RBM46: variants seen among roughly 807,000 people sequenced by gnomAD.
RBM46 encodes the protein probable RNA-binding protein 46.
RBM46 carries 12 observed loss-of-function variants against 43.3 expected under a neutral mutation model. The ratio of observed to expected loss-of-function variants is 0.28; its 90% CI spans 0.18 to 0.45. The LOEUF is 0.45. Ranked by LOEUF, RBM46 falls within the 20% of genes least tolerant of loss-of-function variation. RBM46 has a pLI of 1.00. For synonymous variants in RBM46, 205 were observed against 207.6 expected, an observed-to-expected ratio of 0.99 and a Z score of 0.11; for missense variants, 412 against 639.1, an observed-to-expected ratio of 0.64 and a Z score of 3.83.
chr4:154,802,558 A>G (rs1246315842), intron 4 of RBM46, among the ~76,000 whole-genome samples: 2 of 152,200 alleles, frequency 1.3e-5, no homozygotes, highest in Non-Finnish European at 2.9e-5. Context: ...GTTGAGATCA[A>G]TTGGTGGTAG....
chr4:154,794,682 G>C (rs888160536), intron 1 of RBM46, among the ~76,000 whole-genome samples: 2 of 152,106 alleles, frequency 1.3e-5, no homozygotes, highest in Non-Finnish European at 2.9e-5. Context: ...CTTTGTCTTG[G>C]TTTCTCCATT....
rs769254264 is a variant in RBM46 at position 154,798,770 on chromosome 4, T to A, written c.620-12T>A. ...TTTTAATTCTCTTCAAATTATTATT[T>A]TTTTTTTACAGGAACATTCCAACTA... is the stretch of plus-strand genomic sequence containing the variant. On this transcript the variant is annotated splice_polypyrimidine_tract_variant and intron_variant, in intron 3 of 4. Transcript: ENST00000281722. 9.8e-6 allele frequency: 14 copies of A among 1,432,124 alleles called. No individual in the cohort carries two copies. Among genetic ancestry groups the A allele is most frequent in the Admixed American group, 6.2e-5 (2 of 32,064 alleles). 88.7% of individuals were successfully genotyped at this position (1,432,124 alleles called of 1,614,324 possible).
chr4:154,817,426 G>A (rs1221952458), intron 4 of RBM46, among the ~76,000 whole-genome samples: 1 of 150,602 alleles, frequency 6.6e-6, no homozygotes, highest in African/African-American at 2.4e-5. Context: ...TCCGCCTCCT[G>A]GGTTCAAGCA....
At chr4:154,815,707 T>A (rs1424070777) in intron 4 of RBM46, among the ~76,000 whole-genome samples, 2 of 152,168 alleles carry the variant, frequency 1.3e-5, no homozygotes, top group East Asian at 1.9e-4. Context: ...AATATATTTT[T>A]AAAATATCTT....
At chr4:154,820,247 TTTTA>T (rs1444478546) in intron 4 of RBM46, 11 of 526,154 alleles carry the variant, frequency 2.1e-5, no homozygotes, top group African/African-American at 1.8e-4. Context: ...AAATTTGTTT[TTTTA>T]TTTACTGATC....
chr4:154,790,906 A>C (rs1373829736), intron 1 of RBM46, among the ~76,000 whole-genome samples: 2 of 152,206 alleles, frequency 1.3e-5, no homozygotes, highest in African/African-American at 4.8e-5. Flanking sequence ...AGGGTGGGGC[A>C]GATTTGAGGT....
intron 4 of RBM46, among the ~76,000 whole-genome samples, chr4:154,826,164 A>T (rs1187847424): frequency 7.0e-6 from 1 of 141,936 alleles, no homozygotes; most frequent in East Asian, 2.0e-4. Flanking sequence ...AAAAAAAAAG[A>T]AAAAAAAAAA....
chr4:154,817,323 T>G (rs928680719), intron 4 of RBM46, among the ~76,000 whole-genome samples: 2 of 134,528 alleles, frequency 1.5e-5, no homozygotes, highest in African/African-American at 3.0e-5. Flanking sequence ...CATTTGGTTT[T>G]TCTCTTTCTT....
At chr4:154,785,022 G>A (rs1210142917) in intron 1 of RBM46, among the ~76,000 whole-genome samples, 1 of 152,062 alleles carries the variant, frequency 6.6e-6, no homozygotes, top group African/African-American at 2.4e-5. Context: ...TTAAAGTTAG[G>A]TAATTTTGAA....
At chr4:154,826,918 C>T (rs904393961) in intron 4 of RBM46, 1 of 1,347,298 alleles carries the variant, frequency 7.4e-7, no homozygotes, top group African/African-American at 1.5e-5. Context: ...AAAAACCTTA[C>T]CTGTACATTA....
intron 1 of RBM46, among the ~76,000 whole-genome samples, chr4:154,783,324 TTAA>T (rs750213885): frequency 6.6e-6 from 1 of 152,238 alleles, no homozygotes; most frequent in Non-Finnish European, 1.5e-5. Context: ...ACAAGAATTA[TTAA>T]TAACGAGAAC....
chr4:154,783,604 G>A (rs1733613536), intron 1 of RBM46, among the ~76,000 whole-genome samples: 1 of 152,192 alleles, frequency 6.6e-6, no homozygotes, highest in Non-Finnish European at 1.5e-5. Context: ...GTAAGGAATG[G>A]TGTACTTAAT....
chr4:154,798,951 A>C lies in RBM46; in HGVS notation c.789A>C (p.Ala263=). 6.2e-7 allele frequency: 1 copy of C among 1,613,820 alleles called. No homozygotes were observed. ...AATTCAATAAATTTAAGCCTGGTGC[A>C]GTTGAACGGGTAAAGAAACTTAGAG... is the stretch of plus-strand genomic sequence containing the variant. ...KAEFNKFKPG[A]VERVKKLRDY... Residue 263 remains alanine (A), a synonymous_variant, in exon 4 of 5, where the codon GCA becomes GCC. Coordinates refer to ENST00000281722, the MANE Select transcript of RBM46 (RefSeq NM_144979.5).
intron 4 of RBM46, 86 bp from the exon 5 acceptor site, chr4:154,827,782 T>C: frequency 6.3e-7 from 1 of 1,583,528 alleles, no homozygotes; most frequent in Admixed American, 1.7e-5. Context: ...TGTTAAAATG[T>C]GATTATTGTT....
At chr4:154,806,750 A>G (rs1472517310) in intron 4 of RBM46, among the ~76,000 whole-genome samples, 1 of 151,894 alleles carries the variant, frequency 6.6e-6, no homozygotes, top group Non-Finnish European at 1.5e-5. Context: ...TGAATTTGCT[A>G]ATCAATTACT....
chr4:154,803,635 G>A (rs890887559), intron 4 of RBM46, among the ~76,000 whole-genome samples: 1 of 148,326 alleles, frequency 6.7e-6, no homozygotes, highest in Non-Finnish European at 1.5e-5. Context: ...CCCGGGGGGC[G>A]GAGCTTGCAG....
At chr4:154,799,606 A>G in intron 4 of RBM46, 42 bp downstream of exon 4, 2 of 1,288,834 alleles carry the variant, frequency 1.6e-6, no homozygotes, top group Non-Finnish European at 2.1e-6. Context: ...ATATGAAATT[A>G]GGAAATACTG....
At chr4:154,808,372 A>G (rs1735012264) in intron 4 of RBM46, among the ~76,000 whole-genome samples, 1 of 151,938 alleles carries the variant, frequency 6.6e-6, no homozygotes, top group South Asian at 2.1e-4. Context: ...TATTAGAGTT[A>G]CTTTTTTTCT....
At chr4:154,811,763 A>T in intron 4 of RBM46, among the ~76,000 whole-genome samples, 1 of 151,152 alleles carries the variant, frequency 6.6e-6, no homozygotes, top group East Asian at 2.0e-4. Flanking sequence ...TCATTGCAAC[A>T]TCCGCCTCCC....
Sources: allele counts gnomAD v4.1 joint callset (sites outside exome capture counted in the v4.1 genomes callset), GRCh38; gene constraint gnomAD v4.1.1; transcripts MANE v1.5; gene names NCBI Gene and HGNC (gene_info 2026-07-23, HGNC 2026-07-21).